DMC1: variants seen among roughly 807,000 people sequenced by gnomAD.
The protein encoded by DMC1 is DNA meiotic recombinase 1.
In DMC1, 27 loss-of-function variants were observed where a neutral mutation model predicts 50.1. That is an observed-to-expected ratio of 0.54 (90% CI 0.40 to 0.74). DMC1 has a LOEUF of 0.74. Among genes scored for constraint, DMC1 ranks in the 30% least tolerant of loss-of-function variants. The pLI is 0.00. For synonymous variants in DMC1, 148 were observed against 136.1 expected (o/e 1.09, Z -0.61); for missense variants, 295 against 420.2 (o/e 0.70, Z 2.60).
At chr22:38,535,434 A>G (rs1166561399) in intron 12 of DMC1, among the ~76,000 whole-genome samples, 1 of 152,082 alleles carries the variant, frequency 6.6e-6, no homozygotes, top group Non-Finnish European at 1.5e-5. Context: ...ACACACACAC[A>G]CACATACAGG....
chr22:38,555,555 A>G, intron 5 of DMC1, 146 bp from the exon 6 acceptor site: 4 of 612,000 alleles, frequency 6.5e-6, no homozygotes, highest in Non-Finnish European at 1.2e-5. Context: ...GAACATGAAC[A>G]GCAATTCTTG....
downstream of DMC1, among the ~76,000 whole-genome samples, chr22:38,515,614 C>T (rs961770183): frequency 6.6e-6 from 1 of 151,994 alleles, no homozygotes; most frequent in African/African-American, 2.4e-5. Context: ...TCCTGGCCAA[C>T]ATGGTGAAAC....
chr22:38,541,584 T>G (rs796601536), intron 8 of DMC1, among the ~76,000 whole-genome samples: 14 of 152,324 alleles, frequency 9.2e-5, no homozygotes, highest in African/African-American at 3.4e-4. Context: ...GAATGCACAC[T>G]TACAATAAAC....
rs376518762 is a variant in DMC1 at position 38,561,949 on chromosome 22, C to T, written c.326+338G>A. 4.6e-5 allele frequency among the ~76,000 whole-genome samples: 7 copies of T among 152,110 alleles called. No homozygotes were observed. In the East Asian group the frequency reaches 5.8e-4, roughly 13 times the overall value. On this transcript the variant is annotated intron_variant, in intron 5 of 13. Transcript: ENST00000216024. The stretch of plus-strand genomic sequence containing the variant: ...TCTGAAATATTTAATCTAACAATTG[C>T]TTTTTGAGTAAACCCAAAATGTGCA...
chr22:38,561,984 C>A (rs2090532098), intron 5 of DMC1, among the ~76,000 whole-genome samples: 1 of 152,050 alleles, frequency 6.6e-6, no homozygotes, highest in Non-Finnish European at 1.5e-5. Context: ...AATGAAACAT[C>A]CTTCATATGG....
intron 12 of DMC1, among the ~76,000 whole-genome samples, chr22:38,525,674 C>T (rs2145793369): frequency 6.6e-6 from 1 of 152,296 alleles, no homozygotes; most frequent in Non-Finnish European, 1.5e-5. Flanking sequence ...GGCAGAGTGG[C>T]TCACACCTGT....
At chr22:38,529,756 T>G (rs894184359) in intron 12 of DMC1, among the ~76,000 whole-genome samples, 2 of 152,196 alleles carry the variant, frequency 1.3e-5, no homozygotes, top group Admixed American at 1.3e-4. Context: ...CTAAGTATTC[T>G]GAGCCTCTGT....
At chr22:38,562,713 T>C (rs746116087) in intron 4 of DMC1, among the ~76,000 whole-genome samples, 97 of 151,630 alleles carry the variant, frequency 6.4e-4, no homozygotes, top group Non-Finnish European at 2.4e-4. Context: ...CACACACACA[T>C]ATGTATACAC....
chr22:38,550,547 C>T (rs1390531165), intron 7 of DMC1, among the ~76,000 whole-genome samples: 2 of 150,780 alleles, frequency 1.3e-5, no homozygotes, highest in African/African-American at 2.4e-5. Flanking sequence ...CTCCTGACCT[C>T]GTGATCTGCC....
chr22:38,552,717 A>G lies in DMC1; in HGVS notation c.380-10T>C. ...TTTCCAGTACGAAATTCTGTGAAAT[A>G]CAGAAAAAAATGATTTTAAAAATGC... On this transcript the variant is annotated splice_polypyrimidine_tract_variant and intron_variant, in intron 6 of 13. Coordinates refer to ENST00000216024, the MANE Select transcript of DMC1 (RefSeq NM_007068.4). 6.4e-7 allele frequency: 1 copy of G among 1,568,966 alleles called. No homozygotes were observed. The highest frequency in any genetic ancestry group is 8.8e-7 in the Non-Finnish European group (1 of 1,139,352).
At chr22:38,535,695 C>T (rs1308061660) in intron 12 of DMC1, among the ~76,000 whole-genome samples, 1 of 151,702 alleles carries the variant, frequency 6.6e-6, no homozygotes, top group Non-Finnish European at 1.5e-5. Context: ...TCAACCTCTG[C>T]CTCCCAGGTT....
At chr22:38,518,223 C>T (rs1393034189), downstream of DMC1, among the ~76,000 whole-genome samples, 4 of 152,112 alleles carry the variant, frequency 2.6e-5, no homozygotes, top group Admixed American at 6.6e-5. Flanking sequence ...CCACCCACCT[C>T]GGCCTCTCAA....
intron 12 of DMC1, among the ~76,000 whole-genome samples, chr22:38,528,868 A>ACTCT (rs1181939975): frequency 2.0e-5 from 3 of 152,228 alleles, no homozygotes; most frequent in Admixed American, 6.5e-5. Context: ...GTCAGTGAAA[A>ACTCT]GTAGACCAGG....
In DMC1 at chr22:38,562,322, C is replaced by G. The variant is rs1302664239; in HGVS notation, c.291G>C (p.Met97Ile). Residue 97 changes from methionine to isoleucine, a missense_variant, in exon 5 of 14, where the codon ATG (methionine) becomes ATC (isoleucine). Met to Ile is a conservative substitution (Grantham distance 10). Transcript: ENST00000216024. Reference protein sequence around the residue: ...TAFEYSEKRKMVFHITTGSQE... With the variant: ...TAFEYSEKRKIVFHITTGSQE... ...GGCTCCCGGTGGTGATATGGAAAAC[C>G]ATTTTCCTCTTTTCACTATACTCAA... The G allele has an allele frequency of 6.2e-7, 1 of 1,612,614 alleles. No homozygotes were observed. The highest frequency in any genetic ancestry group is 1.7e-5 in the Admixed American group (1 of 59,968).
chr22:38,521,513 G>C lies in DMC1; in HGVS notation c.953+95C>G, dbSNP rs547688374. 1.2e-5 allele frequency: 10 copies of C among 844,502 alleles called. No homozygotes were observed. In the South Asian group the frequency reaches 1.4e-4, roughly 12 times the overall value. The allele number at this position is 844,502 out of a possible 1,614,324, so 52.3% of individuals were successfully genotyped here. On this transcript the variant is annotated intron_variant, in intron 13 of 13. Transcript: ENST00000216024. Reference sequence around the variant, plus strand: ...GAGCCTAGGAGTTTGAGACCAGCTCGGGCAACATGGCAAAACCCCGTCTCT... The same window carrying C: ...GAGCCTAGGAGTTTGAGACCAGCTCCGGCAACATGGCAAAACCCCGTCTCT...
chr22:38,532,859 C>T (rs569187784), intron 12 of DMC1, among the ~76,000 whole-genome samples: 19 of 151,526 alleles, frequency 1.3e-4, no homozygotes, highest in East Asian at 2.0e-4. Context: ...CCTCCTGCCT[C>T]GGCCTCCCAA....
At chr22:38,568,094 A>C (rs2090599023) in intron 2 of DMC1, 112 bp downstream of exon 2, 1 of 947,444 alleles carries the variant, frequency 1.1e-6, no homozygotes, top group Non-Finnish European at 1.7e-6. Context: ...TGCAATATAT[A>C]ACTATGTGTT....
At chr22:38,568,362 C>T in intron 1 of DMC1, 73 bp from the exon 2 acceptor site, 1 of 1,128,998 alleles carries the variant, frequency 8.9e-7, no homozygotes, top group Non-Finnish European at 1.3e-6. Context: ...TCAAAGTCAA[C>T]AAGGACTAGA....
chr22:38,514,450 G>A (rs1284708826), downstream of DMC1, among the ~76,000 whole-genome samples: 1 of 151,734 alleles, frequency 6.6e-6, no homozygotes, highest in Non-Finnish European at 1.5e-5. Context: ...CACCATGTTG[G>A]CCAGGATCGT....
Sources: gnomAD v4.1 joint callset for allele counts (sites outside exome capture counted in the v4.1 genomes callset) on GRCh38, gnomAD v4.1.1 for gene constraint, MANE v1.5 for transcripts, NCBI Gene and HGNC (gene_info 2026-07-23, HGNC 2026-07-21) for gene names.